SHISA6: variants seen among roughly 807,000 people sequenced by gnomAD.
The protein encoded by SHISA6 is protein shisa-6.
A neutral mutation model predicts 47.9 loss-of-function variants in SHISA6; 22 were observed. The observed-to-expected ratio is 0.46, with a 90% CI of 0.33 to 0.66. SHISA6 has a LOEUF of 0.66. Ranked by LOEUF, SHISA6 falls within the 30% of genes least tolerant of loss-of-function variation. SHISA6 has a pLI of 0.02. For synonymous variants in SHISA6, 388 were observed against 337.8 expected (o/e 1.15, Z -1.63); for missense variants, 680 against 764.6 (o/e 0.89, Z 1.30).
intron 3 of SHISA6, among the ~76,000 whole-genome samples, chr17:11,392,379 G>A (rs1913415369): frequency 6.6e-6 from 1 of 152,202 alleles, no homozygotes. Flanking sequence ...GTAGAGGGGT[G>A]TTGGCTCTTG....
At chr17:11,272,534 G>A (rs564153947) in intron 2 of SHISA6, among the ~76,000 whole-genome samples, 1 of 152,136 alleles carries the variant, frequency 6.6e-6, no homozygotes, top group Non-Finnish European at 1.5e-5. Context: ...TTAACCTTCC[G>A]TGCTTCAGTT....
chr17:11,331,970 G>A (rs9897986), intron 2 of SHISA6, among the ~76,000 whole-genome samples: 25 of 151,990 alleles, frequency 1.6e-4, no homozygotes, highest in African/African-American at 5.5e-4. Flanking sequence ...CCGGTGGAGC[G>A]GAATCACTTC....
chr17:11,429,343 T>C (rs967936124), intron 3 of SHISA6, among the ~76,000 whole-genome samples: 2 of 152,146 alleles, frequency 1.3e-5, no homozygotes, highest in Non-Finnish European at 2.9e-5. Context: ...CCCATCACTT[T>C]TGCAAGTCAC....
chr17:11,395,032 C>T (rs551431084), intron 3 of SHISA6, among the ~76,000 whole-genome samples: 15 of 118,066 alleles, frequency 1.3e-4, no homozygotes, highest in African/African-American at 3.0e-4. Context: ...GACAGAGTCT[C>T]GCTCTGTTGC....
chr17:11,495,636 G>A (rs2071401837), intron 3 of SHISA6, among the ~76,000 whole-genome samples: 1 of 152,186 alleles, frequency 6.6e-6, no homozygotes, highest in Non-Finnish European at 1.5e-5. Context: ...ATATGTCCCA[G>A]CCTGGCAGTG....
chr17:11,436,945 T>C (rs1000749328), intron 3 of SHISA6, among the ~76,000 whole-genome samples: 1 of 152,138 alleles, frequency 6.6e-6, no homozygotes, highest in Non-Finnish European at 1.5e-5. Flanking sequence ...CTAAAAGGCC[T>C]GGGAGAAAAA....
At chr17:11,424,144 G>A (rs10521183) in intron 3 of SHISA6, among the ~76,000 whole-genome samples, 28,354 of 152,048 alleles carry the variant, frequency 0.19, 3,073 homozygotes, top group South Asian at 0.36. Context: ...ATAGATGATG[G>A]TAGAGTAGTT....
intron 3 of SHISA6, among the ~76,000 whole-genome samples, chr17:11,502,641 C>T (rs1386298195): frequency 2.0e-5 from 3 of 150,720 alleles, no homozygotes; most frequent in African/African-American, 4.9e-5. Flanking sequence ...GCAGGAGAAT[C>T]GCTTGAACCC....
chr17:11,365,609 T>C (rs1390015607), intron 2 of SHISA6, among the ~76,000 whole-genome samples: 1 of 152,188 alleles, frequency 6.6e-6, no homozygotes, highest in African/African-American at 2.4e-5. Flanking sequence ...TTTTATGTTA[T>C]AAAGTTTTCT....
intron 3 of SHISA6, among the ~76,000 whole-genome samples, chr17:11,401,048 TG>T (rs1165811229): frequency 2.0e-5 from 3 of 152,226 alleles, no homozygotes; most frequent in Non-Finnish European, 4.4e-5. Flanking sequence ...GTGTTTCTAG[TG>T]GGATTGTTGG....
At chr17:11,310,699 G>A (rs1910294519) in intron 2 of SHISA6, among the ~76,000 whole-genome samples, 1 of 152,206 alleles carries the variant, frequency 6.6e-6, no homozygotes, top group African/African-American at 2.4e-5. Flanking sequence ...TCTGGGCTGG[G>A]CGCGGTGGCT....
chr17:11,245,806 A>G (rs1907559728), intron 1 of SHISA6, among the ~76,000 whole-genome samples: 1 of 151,990 alleles, frequency 6.6e-6, no homozygotes, highest in African/African-American at 2.4e-5. Flanking sequence ...TATCAACAGG[A>G]AAAAGTATTA....
intron 2 of SHISA6, among the ~76,000 whole-genome samples, chr17:11,316,696 A>G (rs1910537346): frequency 6.6e-6 from 1 of 152,070 alleles, no homozygotes; most frequent in Non-Finnish European, 1.5e-5. Context: ...TTGGGATTAT[A>G]GGAGTGAGCT....
At chr17:11,352,057 A>G (rs1189018412) in intron 2 of SHISA6, among the ~76,000 whole-genome samples, 1 of 152,230 alleles carries the variant, frequency 6.6e-6, no homozygotes, top group Non-Finnish European at 1.5e-5. Context: ...CAAGTGCACA[A>G]AATCAGAGCT....
chr17:11,307,108 A>G (rs1910139781), intron 2 of SHISA6, among the ~76,000 whole-genome samples: 1 of 150,550 alleles, frequency 6.6e-6, no homozygotes, highest in Admixed American at 6.6e-5. Flanking sequence ...AGACAGTGCC[A>G]TATATTTATT....
intron 3 of SHISA6, among the ~76,000 whole-genome samples, chr17:11,454,707 C>A (rs931896402): frequency 1.3e-5 from 2 of 152,208 alleles, no homozygotes; most frequent in Non-Finnish European, 2.9e-5. Context: ...AAAGGCCCTT[C>A]ATGTCCATCA....
intron 2 of SHISA6, among the ~76,000 whole-genome samples, chr17:11,301,868 A>G (rs1311680653): frequency 3.3e-5 from 5 of 152,198 alleles, no homozygotes; most frequent in Non-Finnish European, 7.3e-5. Flanking sequence ...CATACTGCTG[A>G]TAAAGACATA....
In SHISA6 at chr17:11,241,824, C is replaced by G. The variant is rs967511750; in HGVS notation, c.402C>G (p.His134Gln). 1.8e-5 allele frequency: 28 copies of G among 1,551,038 alleles called. No homozygotes were observed. Among genetic ancestry groups the G allele is most frequent in the Non-Finnish European group, 2.4e-5 (27 of 1,147,006 alleles). ...ACCGCTTCTGCTGCAAGAAGCGCCACGAGAAGCTGGACCAGCGCCAGTGCA... is the reference window on the plus strand; with the variant it reads ...ACCGCTTCTGCTGCAAGAAGCGCCAGGAGAAGCTGGACCAGCGCCAGTGCA... The part of the protein sequence containing the change: ...CYYRFCCKKR[H>Q]EKLDQRQCTN... Residue 134 changes from histidine to glutamine, a missense_variant, in exon 1 of 6, where the codon CAC becomes CAG. His to Gln is a conservative substitution (Grantham distance 24). Transcript: ENST00000441885. This position sits in a 1 kb window ranked among gnomAD's most constrained non-coding sequence, Gnocchi z 5.5.
chr17:11,373,305 C>T (rs1280614351), intron 2 of SHISA6, among the ~76,000 whole-genome samples: 2 of 151,826 alleles, frequency 1.3e-5, no homozygotes, highest in African/African-American at 4.8e-5. Context: ...ATGAATAAAA[C>T]CCTCAGGTAA....
Sources: gnomAD v4.1 joint callset for allele counts (sites outside exome capture counted in the v4.1 genomes callset) on GRCh38, gnomAD v4.1.1 for gene constraint, Gnocchi (gnomAD v3.1) non-coding constraint, MANE v1.5 for transcripts, NCBI Gene and HGNC (gene_info 2026-07-23, HGNC 2026-07-21) for gene names.